Variants in ATXN2 observed in about 807,000 individuals in gnomAD.
The protein encoded by ATXN2 is ataxin 2.
Under a neutral mutation model 138.6 loss-of-function variants are expected in ATXN2, and 37 were observed. The ratio of observed to expected loss-of-function variants is 0.27; its 90% confidence interval spans 0.21 to 0.35. ATXN2 has a LOEUF of 0.35. Ranked by LOEUF, ATXN2 falls within the 10% of genes least tolerant of loss-of-function variation. ATXN2 has a pLI of 1.00. For missense variants in ATXN2, 1,216 were observed against 1,480.3 expected, an observed-to-expected ratio of 0.82 and a Z score of 2.93; for synonymous variants, 549 against 543.7, an observed-to-expected ratio of 1.01 and a Z score of -0.13.
At chr12:111,513,682 A>C (rs1358085813) in intron 10 of ATXN2, 143 bp from the exon 11 acceptor site, 2 of 670,290 alleles carry the variant, frequency 3.0e-6, no homozygotes, top group South Asian at 5.4e-5. Flanking sequence ...GAAAAAAAAA[A>C]AACACCATAC....
At chr12:111,567,119 T>C (rs910567396) in intron 1 of ATXN2, among the ~76,000 whole-genome samples, 29 of 152,230 alleles carry the variant, frequency 1.9e-4, no homozygotes, top group African/African-American at 6.8e-4. Flanking sequence ...TTCTCATGGA[T>C]AAGCAAAGAA....
At chr12:111,487,180 G>A (rs1877700872) in intron 15 of ATXN2, among the ~76,000 whole-genome samples, 1 of 151,978 alleles carries the variant, frequency 6.6e-6, no homozygotes, top group Non-Finnish European at 1.5e-5. Context: ...CCGAGTTTAA[G>A]CCATTCTCTT....
rs1236288759 is a variant in ATXN2 at position 111,510,081 on chromosome 12, A to G, written c.1757-83T>C. ...CACTGAACAATAATTTTGATTTCCT[A>G]TGTTTTTGGAAAATAATGCTTTCAT... On this transcript the variant is annotated intron_variant, in intron 12 of 24. Transcript: ENST00000673436. 5 of 1,044,076 alleles carry G rather than the reference A, an allele frequency of 4.8e-6. No homozygotes were observed. The East Asian group carries it at 7.6e-5, about 16-fold the overall frequency. 64.7% of individuals were successfully genotyped at this position (1,044,076 alleles called of 1,614,324 possible).
chr12:111,543,486 T>G (rs1394676469), intron 5 of ATXN2, among the ~76,000 whole-genome samples: 2 of 152,114 alleles, frequency 1.3e-5, no homozygotes, highest in Non-Finnish European at 2.9e-5. Flanking sequence ...CAGGCTGGAG[T>G]GCAGTGGTAC....
In ATXN2 at chr12:111,470,689, G is replaced by C; in HGVS notation, c.2578C>G (p.His860Asp). The C allele has an allele frequency of 6.2e-7, 1 of 1,614,126 alleles. No individual in the cohort carries two copies. Among genetic ancestry groups the C allele is most frequent in the Non-Finnish European group, 8.5e-7 (1 of 1,180,038 alleles). The change falls in exon 19 of 25, where the codon CAC becomes GAC. Residue 860 changes from histidine (H) to aspartate (D), a missense_variant. Transcript: ENST00000673436. ...GGTGGGCCCGCTGCTGACGCTGGGTGCATCATGGCACTCTGATGATGCTGG... is the reference window on the plus strand; with the variant it reads ...GGTGGGCCCGCTGCTGACGCTGGGTCCATCATGGCACTCTGATGATGCTGG... ...QDQHHQSAMM[H>D]PASAAGPPIA...
chr12:111,557,360 G>C (rs1882448478), intron 1 of ATXN2, among the ~76,000 whole-genome samples: 1 of 152,116 alleles, frequency 6.6e-6, no homozygotes, highest in African/African-American at 2.4e-5. Context: ...CTCTCATCCA[G>C]AAAACAATGG....
chr12:111,525,267 T>C lies in ATXN2; in HGVS notation c.621A>G (p.Lys207=), dbSNP rs1592861956. 4 of 1,613,646 alleles carry C rather than the reference T, an allele frequency of 2.5e-6. No individual in the cohort carries two copies. The highest frequency in any genetic ancestry group is 1.7e-6 in the Non-Finnish European group (2 of 1,179,916). ...AISAKVNGEH[K]EKDLEPWDAG... Reference sequence around the variant, plus strand: ...CATCCCAGGGCTCCAGGTCCTTCTCTTTGTGTTCGCCATTCACTTTAGCAC... The same window carrying C: ...CATCCCAGGGCTCCAGGTCCTTCTCCTTGTGTTCGCCATTCACTTTAGCAC... Residue 207 remains lysine (K), a synonymous_variant, in exon 6 of 25, where the codon AAA becomes AAG. Coordinates refer to ENST00000673436, the MANE Select transcript of ATXN2 (RefSeq NM_001372574.1).
At chr12:111,593,348 G>A (rs1484355786) in intron 1 of ATXN2, among the ~76,000 whole-genome samples, 1 of 152,026 alleles carries the variant, frequency 6.6e-6, no homozygotes, top group Non-Finnish European at 1.5e-5. Context: ...ACCCGCCTCA[G>A]CCTCCTAAAG....
rs1214303408 is a variant in ATXN2 at position 111,525,203 on chromosome 12, C to G, written c.685G>C (p.Glu229Gln). 1 of 1,610,652 alleles carries G rather than the reference C, an allele frequency of 6.2e-7. No individual in the cohort carries two copies. The highest frequency in any genetic ancestry group is 1.1e-5 in the South Asian group (1 of 90,288). The change falls in exon 6 of 25, where the codon GAA (glutamate) becomes CAA (glutamine). Residue 229 changes from glutamate to glutamine, a missense_variant. Around this residue, in one of 4 missense-constraint regions of ATXN2, gnomAD observed 401 missense variants for 528.1 expected, o/e 0.76. Transcript: ENST00000673436. ...AAGATGTTACTTACTACGTCATTTT[C>G]CAAAGCCTCAAGTTCCTCATTGGCT... is the stretch of plus-strand genomic sequence containing the variant. ...LTANEELEAL[E>Q]NDVSNGWDPN...
At chr12:111,511,154 T>C (rs1259932903) in intron 11 of ATXN2, 1 of 152,170 alleles carries the variant, frequency 6.6e-6, no homozygotes, top group Non-Finnish European at 1.5e-5. Context: ...TCCAAGTATA[T>C]ATCTAATAGG....
rs1367509750 is a variant in ATXN2 at position 111,599,251 on chromosome 12, C to T, written c.-217G>A. 1 of 1,202,986 alleles carries T rather than the reference C, an allele frequency of 8.3e-7. No homozygotes were observed. The highest frequency in any genetic ancestry group is 1.0e-6 in the Non-Finnish European group (1 of 972,498). The allele number at this position is 1,202,986 out of a possible 1,614,324, so 74.5% of individuals were successfully genotyped here. A position where few individuals can be genotyped will look rare whatever the true frequency, so the allele number is the denominator to read the frequency against. On this transcript the variant is annotated 5_prime_UTR_variant, in exon 1 of 25. Transcript: ENST00000673436. ...GACCAAGGAGCCGCCGGGAGCCGGG[C>T]CGAAACGCGCCGCCGCCGTTGCCGT...
chr12:111,506,365 T>C (rs1246297342), intron 14 of ATXN2, among the ~76,000 whole-genome samples: 2 of 152,222 alleles, frequency 1.3e-5, no homozygotes, highest in Non-Finnish European at 2.9e-5. Context: ...TTGATTTATA[T>C]ATGTAAATTA....
At chr12:111,581,850 T>G in intron 1 of ATXN2, 3 of 299,394 alleles carry the variant, frequency 1.0e-5, no homozygotes, top group Non-Finnish European at 1.3e-5. Flanking sequence ...CCACCCTCCA[T>G]TCCTCGCCCT....
chr12:111,468,170 C>A (rs1419307020), intron 20 of ATXN2, among the ~76,000 whole-genome samples: 1 of 152,192 alleles, frequency 6.6e-6, no homozygotes, highest in Admixed American at 6.5e-5. Context: ...AAAATATATA[C>A]AAGTTGCATA....
chr12:111,546,476 A>AT (rs1321175002), intron 5 of ATXN2, among the ~76,000 whole-genome samples: 10 of 152,192 alleles, frequency 6.6e-5, no homozygotes, highest in African/African-American at 2.2e-4. Context: ...TTATTTACTG[A>AT]TGAGCAGATT....
At chr12:111,529,037 A>G (rs1025766860) in intron 5 of ATXN2, among the ~76,000 whole-genome samples, 1 of 152,058 alleles carries the variant, frequency 6.6e-6, no homozygotes, top group African/African-American at 2.4e-5. Flanking sequence ...TGCCGCAATC[A>G]CTGCAGCCCT....
At chr12:111,542,882 A>AT (rs921099559) in intron 5 of ATXN2, among the ~76,000 whole-genome samples, 2 of 152,010 alleles carry the variant, frequency 1.3e-5, no homozygotes, top group East Asian at 1.9e-4. Context: ...AGAGGTTTTT[A>AT]TTTTTTTTAT....
chr12:111,523,765 A>G (rs932817182), intron 6 of ATXN2, among the ~76,000 whole-genome samples: 3 of 132,540 alleles, frequency 2.3e-5, no homozygotes, highest in African/African-American at 1.2e-4. Flanking sequence ...ATAATGCTGA[A>G]AAAAAAAAAA....
At chr12:111,501,722 AC>A (rs1286501691) in intron 14 of ATXN2, among the ~76,000 whole-genome samples, 1 of 152,230 alleles carries the variant, frequency 6.6e-6, no homozygotes, top group African/African-American at 2.4e-5. Flanking sequence ...TCATTTGTTC[AC>A]AAAAATCTTT....
Sources: allele counts gnomAD v4.1 joint callset (sites outside exome capture counted in the v4.1 genomes callset), GRCh38; gene constraint gnomAD v4.1.1; regional missense constraint gnomAD v4.1.1; transcripts MANE v1.5; gene names NCBI Gene and HGNC (gene_info 2026-07-23, HGNC 2026-07-21).